Variants in ACTR3 observed in about 807,000 individuals in gnomAD.
ACTR3 encodes actin-related protein 3.
A neutral mutation model predicts 56.8 loss-of-function variants in ACTR3; 12 were observed. The ratio of observed to expected loss-of-function variants is 0.21; its 90% confidence interval spans 0.14 to 0.34. The LOEUF is 0.34. Ranked by LOEUF, ACTR3 falls within the 10% of genes least tolerant of loss-of-function variation. ACTR3 has a pLI of 1.00. For missense variants in ACTR3, 282 were observed against 512.5 expected (o/e 0.55, Z 4.34); for synonymous variants, 162 against 167.4 (o/e 0.97, Z 0.25).
At chr2:113,923,995 G>A (rs1475621623) in intron 3 of ACTR3, among the ~76,000 whole-genome samples, 2 of 150,924 alleles carry the variant, frequency 1.3e-5, no homozygotes, top group Non-Finnish European at 2.9e-5. Context: ...TTGATTAATG[G>A]ATCTGGTCCA....
chr2:113,914,090 T>G (rs1296852160), intron 2 of ACTR3, among the ~76,000 whole-genome samples: 7 of 131,408 alleles, frequency 5.3e-5, no homozygotes. Flanking sequence ...GTGACTGAAT[T>G]TTTTGTATTT....
chr2:113,892,531 C>T (rs1284068754), intron 1 of ACTR3, among the ~76,000 whole-genome samples: 1 of 152,122 alleles, frequency 6.6e-6, no homozygotes, highest in Non-Finnish European at 1.5e-5. Flanking sequence ...AGTGGTGCCT[C>T]CTGGGAAGTT....
In ACTR3 at chr2:113,960,272, A is replaced by G. The variant is rs1422889122; in HGVS notation, c.*2817A>G. The G allele has an allele frequency of 1.3e-5, 2 of 152,032 alleles. No homozygotes were observed. Among genetic ancestry groups the G allele is most frequent in the South Asian group, 2.1e-4 (1 of 4,830 alleles). The allele number at this position is 152,032 out of a possible 1,614,324, so 9.4% of individuals were successfully genotyped here. A position where few individuals can be genotyped will look rare whatever the true frequency, so the allele number is the denominator to read the frequency against. ...TAGACATTAATTCATGGCACCTACT[A>G]TAAGTACTCATCCTCTTCTTACCTA... is the stretch of plus-strand genomic sequence containing the variant. On this transcript the variant is annotated 3_prime_UTR_variant, in exon 12 of 12. Transcript: ENST00000263238.
rs1025951695 is a variant in ACTR3, at chr2:113,961,156, C to A, written c.*3701C>A. On this transcript the variant is annotated 3_prime_UTR_variant, in exon 12 of 12. Coordinates refer to ENST00000263238, the MANE Select transcript of ACTR3 (RefSeq NM_005721.5). ...CTGTATAAATGTTTATCCTTTTCCA[C>A]GTAATTTGTTTTCTATGATATGAGA... The A allele has an allele frequency of 6.6e-6, 1 of 151,946 alleles. No individual in the cohort carries two copies. Among genetic ancestry groups the A allele is most frequent in the Non-Finnish European group, 1.5e-5 (1 of 67,892 alleles). 9.4% of individuals were successfully genotyped at this position (151,946 alleles called of 1,614,324 possible).
intron 1 of ACTR3, among the ~76,000 whole-genome samples, chr2:113,912,915 A>G (rs1347615068): frequency 7.2e-6 from 1 of 138,592 alleles, no homozygotes; most frequent in Non-Finnish European, 1.5e-5. Context: ...ATTGTAGCTA[A>G]TGACCTTGAT....
At chr2:113,909,627 T>A (rs937750956) in intron 1 of ACTR3, among the ~76,000 whole-genome samples, 15 of 151,350 alleles carry the variant, frequency 9.9e-5, no homozygotes, top group Admixed American at 6.6e-5. Context: ...TGTTGTTTTT[T>A]TTTTTTTGGG....
chr2:113,925,461 G>A (rs890862817), intron 3 of ACTR3, among the ~76,000 whole-genome samples: 1 of 152,190 alleles, frequency 6.6e-6, no homozygotes, highest in African/African-American at 2.4e-5. Flanking sequence ...CTCCCAAAGT[G>A]CTGGGATTAC....
rs1399993498 is a variant in ACTR3 at position 113,890,156 on chromosome 2, C to T, written c.-124C>T. 2.2e-5 allele frequency: 29 copies of T among 1,303,068 alleles called. No individual in the cohort carries two copies. Among genetic ancestry groups the T allele is most frequent in the Non-Finnish European group, 2.8e-5 (26 of 926,576 alleles). The allele number at this position is 1,303,068 out of a possible 1,614,324, so 80.7% of individuals were successfully genotyped here. A position where few individuals can be genotyped will look rare whatever the true frequency, so the allele number is the denominator to read the frequency against. Reference sequence around the variant, plus strand: ...GCTACTGCTTCGGCTTCCCGGCTACCCCCCGGACGGTGAAGGCGGCCCAGC... The same window carrying T: ...GCTACTGCTTCGGCTTCCCGGCTACTCCCCGGACGGTGAAGGCGGCCCAGC... On this transcript the variant is annotated 5_prime_UTR_variant, in exon 1 of 12. Coordinates refer to ENST00000263238, the MANE Select transcript of ACTR3 (RefSeq NM_005721.5).
intron 1 of ACTR3, among the ~76,000 whole-genome samples, chr2:113,910,394 T>C (rs1248304462): frequency 1.3e-5 from 2 of 152,204 alleles, no homozygotes; most frequent in East Asian, 3.8e-4. Context: ...TGCAGTATTA[T>C]TTATAATAAA....
intron 11 of ACTR3, 35 bp downstream of exon 11, chr2:113,955,741 A>C (rs938612714): frequency 6.7e-7 from 1 of 1,501,880 alleles, no homozygotes; most frequent in East Asian, 2.4e-5. Flanking sequence ...ATTTTATTTT[A>C]TCATTATTAT....
chr2:113,950,289 T>C (rs1230298384), intron 8 of ACTR3, among the ~76,000 whole-genome samples: 1 of 152,256 alleles, frequency 6.6e-6, no homozygotes, highest in African/African-American at 2.4e-5. Flanking sequence ...TTGTGTTTAC[T>C]AGCCAGCACT....
Position 113,890,272 on chromosome 2 carries a change from G to C in ACTR3, c.-8G>C, listed in dbSNP as rs780821762. 3 of 1,551,396 alleles carry C rather than the reference G, an allele frequency of 1.9e-6. No individual in the cohort carries two copies. Among genetic ancestry groups the C allele is most frequent in the African/African-American group, 1.4e-5 (1 of 72,972 alleles). On this transcript the variant is annotated 5_prime_UTR_variant, in exon 1 of 12. Coordinates refer to ENST00000263238, the MANE Select transcript of ACTR3 (RefSeq NM_005721.5). ...CGGCGGCAGCAGCAGCAGCAGGCGAGGAGGAAGATGGCGGGACGGCTGCCG... is the reference window on the plus strand; with the variant it reads ...CGGCGGCAGCAGCAGCAGCAGGCGACGAGGAAGATGGCGGGACGGCTGCCG...
intron 2 of ACTR3, among the ~76,000 whole-genome samples, chr2:113,914,379 G>A (rs763098337): frequency 4.6e-5 from 7 of 152,106 alleles, no homozygotes; most frequent in South Asian, 4.1e-4. Context: ...TTGGGAGGCC[G>A]AGGCGGGCAG....
rs547303951 is a variant in ACTR3, at chr2:113,934,559, A to C, written c.540+173A>C. 7.1e-6 allele frequency: 3 copies of C among 422,496 alleles called. No individual in the cohort carries two copies. The South Asian group carries it at 1.7e-4, about 24-fold the overall frequency. 26.2% of individuals were successfully genotyped at this position (422,496 alleles called of 1,614,324 possible). On this transcript the variant is annotated intron_variant, in intron 6 of 11. Coordinates refer to ENST00000263238, the MANE Select transcript of ACTR3 (RefSeq NM_005721.5). ...GTTTAAAACTTTTATAAACAATTCA[A>C]AATGTTTCTTTTACTGTAGGTTTGT...
chr2:113,956,692 T>C (rs1049288179), intron 11 of ACTR3, among the ~76,000 whole-genome samples: 7 of 152,224 alleles, frequency 4.6e-5, no homozygotes, highest in African/African-American at 1.7e-4. Flanking sequence ...TGGTGCTTTG[T>C]TCTGGTAGTG....
intron 1 of ACTR3, among the ~76,000 whole-genome samples, chr2:113,907,856 C>T (rs12613877): frequency 0.17 from 26,389 of 151,246 alleles, 4,116 homozygotes; most frequent in African/African-American, 0.4. Context: ...CCTGTAATCC[C>T]AGCTACTTGG....
At chr2:113,954,503 A>AT (rs1465181214) in intron 10 of ACTR3, 1 of 151,478 alleles carries the variant, frequency 6.6e-6, no homozygotes, top group African/African-American at 2.4e-5. Flanking sequence ...CTGATTTCTC[A>AT]TTTTGTGGTC....
intron 4 of ACTR3, 76 bp downstream of exon 4, chr2:113,927,531 G>T: frequency 2.2e-6 from 2 of 906,818 alleles, no homozygotes; most frequent in Admixed American, 4.8e-5. Context: ...ATACTTCTTT[G>T]GTATACTTTG....
chr2:113,943,073 G>A (rs946868787), intron 8 of ACTR3, among the ~76,000 whole-genome samples: 7 of 152,130 alleles, frequency 4.6e-5, no homozygotes, highest in African/African-American at 1.7e-4. Context: ...ATTTTATCTT[G>A]CTCTTACTGA....
Sources: allele counts gnomAD v4.1 joint callset (sites outside exome capture counted in the v4.1 genomes callset), GRCh38; gene constraint gnomAD v4.1.1; transcripts MANE v1.5; gene names NCBI Gene and HGNC (gene_info 2026-07-23, HGNC 2026-07-21).